The following EPHB2 variants were observed in gnomAD, a reference collection of about 807,000 sequenced individuals.
EPHB2 encodes ephrin type-B receptor 2.
In EPHB2, 18 loss-of-function variants were observed where a neutral mutation model predicts 96.4. That is an observed-to-expected ratio of 0.19 (90% CI 0.13 to 0.28). The LOEUF (loss-of-function observed/expected upper bound fraction) is 0.28, where lower values mean the gene tolerates loss of function less well. Ranked by LOEUF, EPHB2 falls within the 10% of genes least tolerant of loss-of-function variation. The pLI, the probability that EPHB2 is intolerant of heterozygous loss-of-function variation, is 1.00. For synonymous variants in EPHB2, 506 were observed against 534.1 expected, an observed-to-expected ratio of 0.95 and a Z score of 0.72; for missense variants, 989 against 1,355.4, an observed-to-expected ratio of 0.73 and a Z score of 4.25.
In EPHB2 at chr1:22,906,917, C is replaced by T; in HGVS notation, c.2096C>T (p.Thr699Ile). The T allele has an allele frequency of 6.2e-7, 1 of 1,613,606 alleles. No homozygotes were observed. The highest frequency in any genetic ancestry group is 2.2e-5 in the East Asian group (1 of 44,848). Reference sequence around the variant, plus strand: ...AAGAGCACACCTGTGATGATCATCACCGAGTTCATGGAGAATGGCTCCCTG... The same window carrying T: ...AAGAGCACACCTGTGATGATCATCATCGAGTTCATGGAGAATGGCTCCCTG... ...VTKSTPVMII[T>I]EFMENGSLDS... The change falls in exon 11 of 16, where the codon ACC (threonine) becomes ATC (isoleucine). Residue 699 changes from threonine to isoleucine, a missense_variant. Physicochemically the swap from Thr to Ile is moderately conservative, Grantham distance 89. Transcript: ENST00000374630. The surrounding 1 kb of genome is among the most constrained non-coding windows in gnomAD (Gnocchi z 4.8).
rs1570475413 is a variant in EPHB2 at position 22,913,160 on chromosome 1, A to C, written c.2853-302A>C. Reference sequence around the variant, plus strand: ...GTGAGCTGAGATCACGCCACTGCACACCAGCCTGGGTGACAGAGCGAGACT... The same window carrying C: ...GTGAGCTGAGATCACGCCACTGCACCCCAGCCTGGGTGACAGAGCGAGACT... On this transcript the variant is annotated intron_variant, in intron 15 of 15. Coordinates refer to ENST00000374630, the MANE Select transcript of EPHB2 (RefSeq NM_017449.5). The surrounding 1 kb of genome is among the most constrained non-coding windows in gnomAD (Gnocchi z 4.1). 2.2e-6 allele frequency: 1 copy of C among 449,684 alleles called. No individual in the cohort carries two copies. The highest frequency in any genetic ancestry group is 4.1e-6 in the Non-Finnish European group (1 of 241,434). 27.9% of individuals were successfully genotyped at this position (449,684 alleles called of 1,614,324 possible).
chr1:22,738,434 C>A (rs899335611), intron 1 of EPHB2, among the ~76,000 whole-genome samples: 1 of 152,184 alleles, frequency 6.6e-6, no homozygotes, highest in South Asian at 2.1e-4. Flanking sequence ...TGGTACTGTA[C>A]CCATAGGAGC....
chr1:22,884,129 G>A (rs527929651), intron 6 of EPHB2, among the ~76,000 whole-genome samples: 32 of 152,312 alleles, frequency 2.1e-4, no homozygotes, highest in Admixed American at 6.5e-4. Flanking sequence ...GAGGGTGCCT[G>A]TGTCTCCCGC....
Position 22,875,860 on chromosome 1 carries a change from C to T in EPHB2, c.1304-6499C>T, listed in dbSNP as rs1638820876. Among the ~76,000 whole-genome samples, 1 of 151,998 alleles carries T rather than the reference C, an allele frequency of 6.6e-6. No homozygotes were observed. The highest frequency in any genetic ancestry group is 1.5e-5 in the Non-Finnish European group (1 of 68,004). On this transcript the variant is annotated intron_variant, in intron 5 of 15. Transcript: ENST00000374630. This position sits in a 1 kb window ranked among gnomAD's most constrained non-coding sequence, Gnocchi z 4.2. ...CAGGAGGGCATCTCGGAGGAGTTGA[C>T]ATTTGAGCTGAGACTTCAATGAAGA... is the stretch of plus-strand genomic sequence containing the variant.
At position 22,711,047 on chromosome 1, in the gene EPHB2, A is replaced by AGCGAGCGG. The variant is rs1232019921; in HGVS notation, c.61+8_61+15dup. On this transcript the variant is annotated splice_donor_region_variant and intron_variant, in intron 1 of 15. Transcript: ENST00000374630. ...CCGCTGCTCGCCGCCGTGGAAGGTGAGCGAGCGGGCGGGCGGGCGGGCGAT... is the reference window on the plus strand; with the variant it reads ...CCGCTGCTCGCCGCCGTGGAAGGTGAGCGAGCGGGCGAGCGGGCGGGCGGGCGGGCGAT... 3 of 145,908 alleles carry AGCGAGCGG rather than the reference A, an allele frequency of 2.1e-5. No individual in the cohort carries two copies. Among genetic ancestry groups the AGCGAGCGG allele is most frequent in the Non-Finnish European group, 4.5e-5 (3 of 66,330 alleles). The allele number at this position is 145,908 out of a possible 1,614,324, so 9.0% of individuals were successfully genotyped here. A position where few individuals can be genotyped will look rare whatever the true frequency, so the allele number is the denominator to read the frequency against.
chr1:22,909,255 C>G, intron 13 of EPHB2, 84 bp downstream of exon 13: 6 of 1,602,630 alleles, frequency 3.7e-6, no homozygotes, highest in Non-Finnish European at 5.1e-6. Flanking sequence ...TTGTGCCAGT[C>G]TCCCAGAGTG....
At chr1:22,781,212 C>T (rs1244021809) in intron 1 of EPHB2, among the ~76,000 whole-genome samples, 1 of 150,992 alleles carries the variant, frequency 6.6e-6, no homozygotes, top group Non-Finnish European at 1.5e-5. Context: ...CCCAGCTACT[C>T]GGGAGGCTGA....
At chr1:22,854,477 A>G (rs1349047275) in intron 3 of EPHB2, among the ~76,000 whole-genome samples, 5 of 152,188 alleles carry the variant, frequency 3.3e-5, no homozygotes, top group Admixed American at 2.6e-4. Flanking sequence ...GCACCACTGC[A>G]CTGCAGCCTG....
intron 3 of EPHB2, among the ~76,000 whole-genome samples, chr1:22,800,490 G>A (rs964089046): frequency 7.2e-5 from 11 of 152,180 alleles, no homozygotes; most frequent in South Asian, 2.1e-4. Context: ...GGGTGCAGCC[G>A]TGGAGGGAGG....
At chr1:22,713,896 C>T (rs1048694151) in intron 1 of EPHB2, among the ~76,000 whole-genome samples, 1 of 152,094 alleles carries the variant, frequency 6.6e-6, no homozygotes, top group Non-Finnish European at 1.5e-5. Context: ...ACTGTGAGAC[C>T]GCCCCCCGAC....
rs1639915529 is a variant in EPHB2, at chr1:22,906,395, C to T, written c.1888+286C>T. On this transcript the variant is annotated intron_variant, in intron 10 of 15. Transcript: ENST00000374630. The surrounding 1 kb of genome is among the most constrained non-coding windows in gnomAD (Gnocchi z 4.8). ...AGCCCAGTTCTCTGGACTCTTGGTC[C>T]AGTGCTTTTCCTTCCTCCCCCCATG... Among the ~76,000 whole-genome samples the T allele has an allele frequency of 6.6e-6, 1 of 152,138 alleles. No individual in the cohort carries two copies. Among genetic ancestry groups the T allele is most frequent in the African/African-American group, 2.4e-5 (1 of 41,414 alleles).
chr1:22,765,748 T>C (rs972014362), intron 1 of EPHB2, among the ~76,000 whole-genome samples: 10 of 151,986 alleles, frequency 6.6e-5, no homozygotes, highest in Admixed American at 2.0e-4. Flanking sequence ...CGTCTCTGCA[T>C]TGGGTGCAGA....
At position 22,906,720 on chromosome 1, in the gene EPHB2, C is replaced by T. The variant is rs761048386; in HGVS notation, c.1899C>T (p.Gly633=). The T allele has an allele frequency of 4.0e-5, 65 of 1,613,904 alleles. No homozygotes were observed. Among genetic ancestry groups the T allele is most frequent in the Non-Finnish European group, 4.9e-5 (58 of 1,180,008 alleles). ...IEQVIGAGEF[G]EVCSGHLKLP... The stretch of plus-strand genomic sequence containing the variant: ...GTGTTTCTCTCTCAGGGGAGTTTGG[C>T]GAGGTCTGCAGTGGCCACCTGAAGC... The change falls in exon 11 of 16, where the codon GGC becomes GGT. Residue 633 remains glycine (G), a synonymous_variant. Transcript: ENST00000374630. This position sits in a 1 kb window ranked among gnomAD's most constrained non-coding sequence, Gnocchi z 4.8.
intron 1 of EPHB2, among the ~76,000 whole-genome samples, chr1:22,724,510 T>C (rs1643539089): frequency 6.6e-6 from 1 of 152,208 alleles, no homozygotes; most frequent in Non-Finnish European, 1.5e-5. Context: ...TGGCCTGGCA[T>C]AGAGCTCTTG....
At chr1:22,904,668 A>T (rs1161927656) in intron 9 of EPHB2, among the ~76,000 whole-genome samples, 1 of 152,248 alleles carries the variant, frequency 6.6e-6, no homozygotes, top group African/African-American at 2.4e-5. Flanking sequence ...TCTCTCTTGT[A>T]ACTACCCAAC....
chr1:22,742,109 G>C (rs940261778), intron 1 of EPHB2, among the ~76,000 whole-genome samples: 2 of 152,134 alleles, frequency 1.3e-5, no homozygotes, highest in African/African-American at 4.8e-5. Flanking sequence ...GCCAGCATCC[G>C]ACCCAGGCCC....
chr1:22,806,904 C>T (rs184282869), intron 3 of EPHB2, among the ~76,000 whole-genome samples: 3 of 152,198 alleles, frequency 2.0e-5, no homozygotes, highest in African/African-American at 7.2e-5. Flanking sequence ...CACCACCCCC[C>T]AGCCCTACTT....
At position 22,908,042 on chromosome 1, in the gene EPHB2, T is replaced by C. The variant is rs149590849; in HGVS notation, c.2226T>C (p.Tyr742=). 3.3e-5 allele frequency: 54 copies of C among 1,614,276 alleles called. No individual in the cohort carries two copies. In the African/African-American group the frequency reaches 6.7e-4, roughly 20 times the overall value. Reference sequence around the variant, plus strand: ...TGAAGTACCTGGCAGACATGAACTATGTTCACCGTGACCTGGCTGCCCGCA... The same window carrying C: ...TGAAGTACCTGGCAGACATGAACTACGTTCACCGTGACCTGGCTGCCCGCA... ...AGMKYLADMN[Y]VHRDLAARNI... Residue 742 remains tyrosine (Y), a synonymous_variant, in exon 12 of 16, where the codon TAT becomes TAC. Transcript: ENST00000374630.
intron 14 of EPHB2, among the ~76,000 whole-genome samples, chr1:22,911,704 G>A (rs1384502079): frequency 2.0e-5 from 3 of 152,164 alleles, no homozygotes; most frequent in African/African-American, 7.2e-5. Context: ...AGGGGCATCT[G>A]GCCAGGTATA....
Sources: gnomAD v4.1 joint callset for allele counts (sites outside exome capture counted in the v4.1 genomes callset) on GRCh38, gnomAD v4.1.1 for gene constraint, Gnocchi (gnomAD v3.1) non-coding constraint, MANE v1.5 for transcripts, NCBI Gene and HGNC (gene_info 2026-07-23, HGNC 2026-07-21) for gene names.